The following SLC44A5 variants were observed in gnomAD, a reference collection of about 807,000 sequenced individuals.
SLC44A5 encodes the protein choline transporter-like protein 5.
A neutral mutation model predicts 101.8 loss-of-function variants in SLC44A5; 57 were observed. That is an observed-to-expected ratio of 0.56 (90% confidence interval 0.45 to 0.70). SLC44A5 has a LOEUF of 0.70. Ranked by LOEUF, SLC44A5 falls within the 30% of genes least tolerant of loss-of-function variation. The probability of loss-of-function intolerance (pLI) is 0.00; values close to 1 mark genes in which losing one functional copy is unlikely to be tolerated. For synonymous variants in SLC44A5, 281 were observed against 290.9 expected, an observed-to-expected ratio of 0.97 and a Z score of 0.35; for missense variants, 737 against 853.1, an observed-to-expected ratio of 0.86 and a Z score of 1.70.
chr1:75,367,505 T>C (rs1223210557), intron 3 of SLC44A5, among the ~76,000 whole-genome samples: 3 of 152,176 alleles, frequency 2.0e-5, no homozygotes, highest in Admixed American at 6.5e-5. Flanking sequence ...CCTGTTGCAT[T>C]ATTCATCAGA....
At chr1:75,591,362 A>T (rs1674341572) in intron 1 of SLC44A5, among the ~76,000 whole-genome samples, 1 of 152,320 alleles carries the variant, frequency 6.6e-6, no homozygotes, top group African/African-American at 2.4e-5. Flanking sequence ...ATTAAATGTA[A>T]ATAGACTAAA....
At chr1:75,609,273 T>C (rs941945511) in intron 1 of SLC44A5, among the ~76,000 whole-genome samples, 21 of 151,966 alleles carry the variant, frequency 1.4e-4, no homozygotes, top group African/African-American at 4.8e-4. Context: ...GAAAGGTTTT[T>C]ATTTGAATAT....
At chr1:75,660,883 T>C in the SLC44A5 span, among the ~76,000 whole-genome samples, 1 of 151,972 alleles carries the variant, frequency 6.6e-6, no homozygotes, top group Non-Finnish European at 1.5e-5. Context: ...AATGACCATA[T>C]TGTTGTTAAA....
intron 6 of SLC44A5, 117 bp from the exon 7 acceptor site, chr1:75,251,411 C>T: frequency 1.4e-6 from 1 of 717,740 alleles, no homozygotes; most frequent in East Asian, 2.8e-5. Context: ...TCTACAGAGG[C>T]TGAAATATAT....
rs142267896 is a variant in SLC44A5 at position 75,426,436 on chromosome 1, C to A, written c.14-29815G>T. Among the ~76,000 whole-genome samples the A allele has an allele frequency of 4.0e-3, 615 of 152,272 alleles. 6 individuals are homozygous for A. The highest frequency in any genetic ancestry group is 0.014 in the African/African-American group (569 of 41,556). ...AGAATCCCTAAGGATGGAGCTCAGG[C>A]ACATGTCCTCTTTAAAAGCTACAGT... On this transcript the variant is annotated intron_variant, in intron 2 of 23. Transcript: ENST00000370859.
chr1:75,519,736 G>A (rs1054728335), intron 2 of SLC44A5, among the ~76,000 whole-genome samples: 8 of 152,164 alleles, frequency 5.3e-5, no homozygotes, highest in Non-Finnish European at 1.0e-4. Context: ...ATCTCCTAAA[G>A]AATATATCTT....
At chr1:75,499,494 A>G (rs1279528288) in intron 2 of SLC44A5, among the ~76,000 whole-genome samples, 1 of 152,210 alleles carries the variant, frequency 6.6e-6, no homozygotes, top group African/African-American at 2.4e-5. Flanking sequence ...GTACTGGTCC[A>G]TGGTTCGGGG....
intron 2 of SLC44A5, among the ~76,000 whole-genome samples, chr1:75,509,231 AT>A (rs1557859560): frequency 6.6e-6 from 1 of 152,326 alleles, no homozygotes; most frequent in South Asian, 2.1e-4. Context: ...GTAAGGTTTC[AT>A]TTTTTTATTC....
intron 4 of SLC44A5, among the ~76,000 whole-genome samples, chr1:75,332,433 T>C (rs1028494517): frequency 6.6e-6 from 1 of 152,192 alleles, no homozygotes; most frequent in African/African-American, 2.4e-5. Flanking sequence ...CATATAGGTA[T>C]ATAAGTAAAT....
the SLC44A5 span, among the ~76,000 whole-genome samples, chr1:75,661,802 C>A: frequency 6.6e-6 from 1 of 151,988 alleles, no homozygotes; most frequent in Non-Finnish European, 1.5e-5. Context: ...TGAGATATCA[C>A]CTCATCCCAG....
intron 6 of SLC44A5, among the ~76,000 whole-genome samples, chr1:75,265,234 A>C (rs1306367775): frequency 6.6e-6 from 1 of 152,214 alleles, no homozygotes; most frequent in Non-Finnish European, 1.5e-5. Context: ...GAGAGGAGAT[A>C]ATTCTTTATA....
chr1:75,714,990 C>T, the SLC44A5 span, among the ~76,000 whole-genome samples: 1 of 152,280 alleles, frequency 6.6e-6, no homozygotes, highest in Middle Eastern at 3.4e-3. Flanking sequence ...AGCAGCATTT[C>T]TATACACCAA....
chr1:75,642,109 A>T, the SLC44A5 span: 1 of 1,127,532 alleles, frequency 8.9e-7, no homozygotes, highest in Non-Finnish European at 1.3e-6. Flanking sequence ...TTTGATGTAG[A>T]TATAATTGAA....
At chr1:75,480,735 T>A (rs1270370210) in intron 2 of SLC44A5, among the ~76,000 whole-genome samples, 1 of 152,010 alleles carries the variant, frequency 6.6e-6, no homozygotes, top group African/African-American at 2.4e-5. Flanking sequence ...TACAAACCAC[T>A]GCTCAATGAA....
Position 75,202,177 on chromosome 1 carries a change from TAAC to T in SLC44A5, c.*1547_*1549del, listed in dbSNP as rs1333731025. The T allele has an allele frequency of 2.0e-5, 3 of 152,138 alleles. No homozygotes were observed. Among genetic ancestry groups the T allele is most frequent in the East Asian group, 1.9e-4 (1 of 5,198 alleles). 9.4% of individuals were successfully genotyped at this position (152,138 alleles called of 1,614,324 possible). On this transcript the variant is annotated 3_prime_UTR_variant, in exon 24 of 24. Transcript: ENST00000370859. ...TAAAAGAAAAAAGATTTAAAACAAG[TAAC>T]AACAAATTTCATTAAATATTAAACA... is the stretch of plus-strand genomic sequence containing the variant.
intron 1 of SLC44A5, among the ~76,000 whole-genome samples, chr1:75,575,803 C>A (rs1299228433): frequency 6.6e-6 from 1 of 152,110 alleles, no homozygotes. Context: ...GTGAGTTAAC[C>A]ATAAGCACAT....
intron 2 of SLC44A5, chr1:75,398,431 A>G: frequency 1.0e-6 from 1 of 984,038 alleles, no homozygotes; most frequent in Admixed American, 6.1e-5. Context: ...CCTGCCAATG[A>G]GAGGAGAAGG....
intron 4 of SLC44A5, among the ~76,000 whole-genome samples, chr1:75,322,369 T>C (rs1157616919): frequency 6.6e-6 from 1 of 151,514 alleles, no homozygotes; most frequent in Non-Finnish European, 1.5e-5. Flanking sequence ...AAGTAACCAA[T>C]ACATCCTTAT....
chr1:75,622,786 C>T, the SLC44A5 span, among the ~76,000 whole-genome samples: 3 of 152,122 alleles, frequency 2.0e-5, no homozygotes, highest in African/African-American at 7.2e-5. Flanking sequence ...TATATTACTC[C>T]TGCCAGCTTC....
Sources: allele counts gnomAD v4.1 joint callset (sites outside exome capture counted in the v4.1 genomes callset), GRCh38; gene constraint gnomAD v4.1.1; transcripts MANE v1.5; gene names NCBI Gene and HGNC (gene_info 2026-07-23, HGNC 2026-07-21).